The following KCNQ1 variants were observed in gnomAD, a reference collection of about 807,000 sequenced individuals.
The protein encoded by KCNQ1 is potassium voltage-gated channel subfamily KQT member 1.
A neutral mutation model predicts 72.4 loss-of-function variants in KCNQ1; 49 were observed. The observed-to-expected ratio is 0.68, with a 90% CI of 0.54 to 0.86. KCNQ1 has a LOEUF of 0.86. KCNQ1 is among the 40% of genes least tolerant of loss of function. The pLI is 0.00. For synonymous variants in KCNQ1, 450 were observed against 412.6 expected (o/e 1.09, Z -1.10); for missense variants, 790 against 945.1 (o/e 0.84, Z 2.15).
In KCNQ1 at chr11:2,610,294, CT is replaced by C. The variant is rs1298333564; in HGVS notation, c.1393+21445del. 2.5e-5 allele frequency: 10 copies of C among 397,808 alleles called. No homozygotes were observed. The East Asian group carries it at 3.2e-4, about 13-fold the overall frequency. 24.6% of individuals were successfully genotyped at this position (397,808 alleles called of 1,614,324 possible). A position where few individuals can be genotyped will look rare whatever the true frequency, so the allele number is the denominator to read the frequency against. The stretch of plus-strand genomic sequence containing the variant: ...TGTATGAGTTTATTCAGTTTTACCA[CT>C]TTTTGTGGTATTGTTACATATATTA... On this transcript the variant is annotated intron_variant, in intron 10 of 15. Coordinates refer to ENST00000155840, the MANE Select transcript of KCNQ1 (RefSeq NM_000218.3).
rs914060733 is a variant in KCNQ1, at chr11:2,817,127, C to T, written c.1795-30640C>T. ...GACCCAGGCCTGTGGCGCCAGCCTG[C>T]ACCCGGCTCTGCTCCACAGGCCAAC... On this transcript the variant is annotated intron_variant, in intron 15 of 15. Transcript: ENST00000155840. The surrounding 1 kb of genome is among the most constrained non-coding windows in gnomAD (Gnocchi z 6.1). Among the ~76,000 whole-genome samples, 20 of 152,288 alleles carry T rather than the reference C, an allele frequency of 1.3e-4. No individual in the cohort carries two copies. Among genetic ancestry groups the T allele is most frequent in the African/African-American group, 3.8e-4 (16 of 41,582 alleles).
Position 2,585,193 on chromosome 11 carries a change from C to T in KCNQ1, c.1033-19C>T. 6.2e-7 allele frequency: 1 copy of T among 1,611,016 alleles called. No individual in the cohort carries two copies. The highest frequency in any genetic ancestry group is 8.5e-7 in the Non-Finnish European group (1 of 1,177,244). On this transcript the variant is annotated intron_variant, in intron 7 of 15. Coordinates refer to ENST00000155840, the MANE Select transcript of KCNQ1 (RefSeq NM_000218.3). ...CAGTGGCCTGTGTGGACGGGAGCCT[C>T]CTGTCCATTCCTTCCCAGGGGATTC... is the stretch of plus-strand genomic sequence containing the variant.
chr11:2,792,810 G>A (rs528102110), intron 15 of KCNQ1, among the ~76,000 whole-genome samples: 1 of 152,322 alleles, frequency 6.6e-6, no homozygotes, highest in East Asian at 1.9e-4. Context: ...GGCTTTGGCA[G>A]CATTGTTCTT....
rs1850004121 is a variant in KCNQ1 at position 2,663,326 on chromosome 11, C to A, written c.1514+1245C>A. Reference sequence around the variant, plus strand: ...TCCTGGCTGGGTAAAAAGGCAGGAGCAGAGGTGTGAGCAGGCTGGTAGCCA... The same window carrying A: ...TCCTGGCTGGGTAAAAAGGCAGGAGAAGAGGTGTGAGCAGGCTGGTAGCCA... On this transcript the variant is annotated intron_variant, in intron 11 of 15. Transcript: ENST00000155840. The surrounding 1 kb of genome is among the most constrained non-coding windows in gnomAD (Gnocchi z 5.2). The A allele has an allele frequency of 2.5e-6, 1 of 398,792 alleles. No homozygotes were observed. Among genetic ancestry groups the A allele is most frequent in the Non-Finnish European group, 4.4e-6 (1 of 226,258 alleles). 24.7% of individuals were successfully genotyped at this position (398,792 alleles called of 1,614,324 possible).
chr11:2,655,597 C>G (rs1849831391), intron 10 of KCNQ1: 2 of 398,562 alleles, frequency 5.0e-6, no homozygotes, highest in African/African-American at 4.1e-5. Flanking sequence ...ACAAGCAAGA[C>G]CTGTTAGGGC....
At chr11:2,823,909 G>A (rs1847788021) in intron 15 of KCNQ1, among the ~76,000 whole-genome samples, 1 of 152,194 alleles carries the variant, frequency 6.6e-6, no homozygotes, top group Non-Finnish European at 1.5e-5. Context: ...TTCATACAAG[G>A]AAGATTCTAG....
Position 2,624,485 on chromosome 11 carries a change from A to G in KCNQ1, c.1393+35631A>G. ...CCTTTGGTGTCATATCTAAAAAGCC[A>G]TCACCAAACTAAAGATCATCTAGAT... is the stretch of plus-strand genomic sequence containing the variant. On this transcript the variant is annotated intron_variant, in intron 10 of 15. Transcript: ENST00000155840. This position sits in a 1 kb window ranked among gnomAD's most constrained non-coding sequence, Gnocchi z 4.9. 2.5e-6 allele frequency: 1 copy of G among 398,518 alleles called. No individual in the cohort carries two copies. Among genetic ancestry groups the G allele is most frequent in the South Asian group, 1.3e-4 (1 of 7,854 alleles). 24.7% of individuals were successfully genotyped at this position (398,518 alleles called of 1,614,324 possible).
rs968776090 is a variant in KCNQ1, at chr11:2,565,186, A to T, written c.478-5442A>T. ...AGAGCAGTTTTAGGTTCACAGCAAA[A>T]TCGAGCGGCTGGTCATTTCACGCTT... is the stretch of plus-strand genomic sequence containing the variant. On this transcript the variant is annotated intron_variant, in intron 2 of 15. Coordinates refer to ENST00000155840, the MANE Select transcript of KCNQ1 (RefSeq NM_000218.3). The surrounding 1 kb of genome is among the most constrained non-coding windows in gnomAD (Gnocchi z 5.6). Among the ~76,000 whole-genome samples the T allele has an allele frequency of 6.6e-6, 1 of 152,186 alleles. No homozygotes were observed. The highest frequency in any genetic ancestry group is 2.4e-5 in the African/African-American group (1 of 41,436).
chr11:2,738,553 G>T (rs1457218082), intron 11 of KCNQ1, among the ~76,000 whole-genome samples: 1 of 152,222 alleles, frequency 6.6e-6, no homozygotes, highest in Non-Finnish European at 1.5e-5. Flanking sequence ...CAGGCCTAGA[G>T]CAGAGTGCCC....
intron 15 of KCNQ1, among the ~76,000 whole-genome samples, chr11:2,825,629 A>C (rs1166527090): frequency 1.3e-5 from 2 of 152,246 alleles, no homozygotes; most frequent in Non-Finnish European, 1.5e-5. Context: ...CACAGGGGAA[A>C]GTATGTGGAC....
chr11:2,454,105 A>G (rs1357622248), intron 1 of KCNQ1, among the ~76,000 whole-genome samples: 1 of 151,944 alleles, frequency 6.6e-6, no homozygotes, highest in Non-Finnish European at 1.5e-5. Context: ...AGCACAGTGA[A>G]TAAAAATATA....
intron 11 of KCNQ1, among the ~76,000 whole-genome samples, chr11:2,741,670 C>T (rs1344518824): frequency 6.6e-6 from 1 of 152,222 alleles, no homozygotes; most frequent in Non-Finnish European, 1.5e-5. Flanking sequence ...CACCACTGGC[C>T]TGCAATTATC....
intron 2 of KCNQ1, among the ~76,000 whole-genome samples, chr11:2,554,566 G>A (rs961719896): frequency 6.6e-5 from 10 of 152,208 alleles, no homozygotes; most frequent in Admixed American, 3.9e-4. Flanking sequence ...CTCTGCTGCT[G>A]GCCATCCCAC....
intron 10 of KCNQ1, chr11:2,638,850 C>G (rs1321803917): frequency 1.3e-5 from 2 of 152,200 alleles, no homozygotes; most frequent in Non-Finnish European, 2.9e-5. Flanking sequence ...TTCATGTACA[C>G]CAGTCAGATG....
intron 11 of KCNQ1, among the ~76,000 whole-genome samples, chr11:2,753,069 G>C (rs996657503): frequency 5.9e-5 from 9 of 152,202 alleles, no homozygotes; most frequent in Non-Finnish European, 1.3e-4. Context: ...AACCCAGGGG[G>C]AGGAGAGAAC....
chr11:2,610,711 G>T (rs1848965382), intron 10 of KCNQ1: 2 of 348,746 alleles, frequency 5.7e-6, no homozygotes, highest in African/African-American at 2.8e-5. Flanking sequence ...AGTATTCTTG[G>T]TTGGCTTTTT....
At chr11:2,793,716 G>C (rs1847078375) in intron 15 of KCNQ1, among the ~76,000 whole-genome samples, 1 of 152,182 alleles carries the variant, frequency 6.6e-6, no homozygotes, top group Non-Finnish European at 1.5e-5. Flanking sequence ...AAGGAAAAAA[G>C]CAAAGGAATC....
At chr11:2,506,548 A>G (rs1198210721) in intron 1 of KCNQ1, among the ~76,000 whole-genome samples, 1 of 152,208 alleles carries the variant, frequency 6.6e-6, no homozygotes, top group Admixed American at 6.5e-5. Flanking sequence ...TCTTGAAACA[A>G]TGTTGCAAAG....
At chr11:2,760,021 C>T (rs1846364534) in intron 11 of KCNQ1, among the ~76,000 whole-genome samples, 1 of 152,228 alleles carries the variant, frequency 6.6e-6, no homozygotes, top group African/African-American at 2.4e-5. Flanking sequence ...ATGGGCAGCC[C>T]AGTCCGGGAA....
Sources: allele counts gnomAD v4.1 joint callset (sites outside exome capture counted in the v4.1 genomes callset), GRCh38; gene constraint gnomAD v4.1.1; non-coding constraint Gnocchi (gnomAD v3.1); transcripts MANE v1.5; gene names NCBI Gene and HGNC (gene_info 2026-07-23, HGNC 2026-07-21).